MAGI2: variants seen among roughly 807,000 people sequenced by gnomAD.
The protein encoded by MAGI2 is membrane-associated guanylate kinase, WW and PDZ domain-containing protein 2.
A neutral mutation model predicts 133.3 loss-of-function variants in MAGI2; 35 were observed. That is an observed-to-expected ratio of 0.26 (90% confidence interval 0.20 to 0.35). The LOEUF (loss-of-function observed/expected upper bound fraction) is 0.35. MAGI2 is among the 10% of genes least tolerant of loss of function. The pLI, the probability that MAGI2 is intolerant of heterozygous loss-of-function variation, is 1.00. For missense variants in MAGI2, 1,636 were observed against 1,863.4 expected, an observed-to-expected ratio of 0.88 and a Z score of 2.25; for synonymous variants, 729 against 710.6, an observed-to-expected ratio of 1.03 and a Z score of -0.41.
At chr7:79,213,315 C>A (rs926415316) in intron 1 of MAGI2, among the ~76,000 whole-genome samples, 2 of 146,362 alleles carry the variant, frequency 1.4e-5, no homozygotes, top group African/African-American at 5.4e-5. Context: ...TTTACACACA[C>A]GTACACACGT....
intron 1 of MAGI2, among the ~76,000 whole-genome samples, chr7:79,078,297 GTT>G (rs36002774): frequency 2.6e-5 from 4 of 151,310 alleles, no homozygotes; most frequent in South Asian, 4.2e-4. Context: ...TCCATAGGTG[GTT>G]TTTTTTTTAG....
chr7:78,767,347 C>CT (rs3086253), intron 2 of MAGI2, among the ~76,000 whole-genome samples: 11,948 of 146,094 alleles, frequency 0.082, 538 homozygotes, highest in African/African-American at 0.13. Flanking sequence ...AGGCAACACA[C>CT]TTTTTTTTTT....
chr7:79,106,719 AAAAT>A (rs1180898387), intron 1 of MAGI2, among the ~76,000 whole-genome samples: 7 of 152,202 alleles, frequency 4.6e-5, no homozygotes, highest in African/African-American at 1.7e-4. Flanking sequence ...CAACCAGGTG[AAAAT>A]AAATACATCC....
chr7:78,171,693 G>A (rs1375461094), intron 14 of MAGI2, among the ~76,000 whole-genome samples: 1 of 152,170 alleles, frequency 6.6e-6, no homozygotes, highest in African/African-American at 2.4e-5. Flanking sequence ...CTGGGATCAG[G>A]ATCCCTTACT....
chr7:78,856,095 G>T lies in MAGI2; in HGVS notation c.418+150995C>A, dbSNP rs193113499. ...ATATCCTTTGCACAGTTTTTGATGG[G>T]GTTGTTTGATTTTTTCTTGTAAATT... On this transcript the variant is annotated intron_variant, in intron 2 of 21. Transcript: ENST00000354212. Among the ~76,000 whole-genome samples the T allele has an allele frequency of 3.1e-3, 473 of 152,200 alleles. 1 individual carries two copies. Among genetic ancestry groups the T allele is most frequent in the African/African-American group, 0.011 (450 of 41,552 alleles).
chr7:78,346,114 A>G (rs1584950309), intron 7 of MAGI2, 71 bp from the exon 8 acceptor site: 1 of 1,560,804 alleles, frequency 6.4e-7, no homozygotes, highest in African/African-American at 1.4e-5. Flanking sequence ...GTATGGCTCT[A>G]TGGAGAGCAG....
chr7:78,330,847 T>A (rs1789110346), intron 9 of MAGI2, among the ~76,000 whole-genome samples: 1 of 152,116 alleles, frequency 6.6e-6, no homozygotes, highest in Non-Finnish European at 1.5e-5. Flanking sequence ...AAAATAAGCA[T>A]CTTTCATAAA....
chr7:79,248,803 T>G (rs1833004304), intron 1 of MAGI2, among the ~76,000 whole-genome samples: 1 of 152,036 alleles, frequency 6.6e-6, no homozygotes, highest in South Asian at 2.1e-4. Context: ...TTGAAAATTT[T>G]CTTGAAATAA....
At chr7:78,076,263 T>A (rs1815277548) in intron 21 of MAGI2, among the ~76,000 whole-genome samples, 1 of 151,468 alleles carries the variant, frequency 6.6e-6, no homozygotes, top group South Asian at 2.1e-4. Context: ...TTCAAGACCA[T>A]CCTGGGCGAC....
intron 2 of MAGI2, among the ~76,000 whole-genome samples, chr7:78,832,471 G>T (rs189646859): frequency 4.6e-5 from 7 of 152,246 alleles, no homozygotes; most frequent in African/African-American, 1.7e-4. Flanking sequence ...GTAAGGGCGG[G>T]TGGAAATAAA....
intron 6 of MAGI2, among the ~76,000 whole-genome samples, chr7:78,397,668 A>G (rs139322601): frequency 2.6e-3 from 391 of 152,272 alleles, no homozygotes; most frequent in Middle Eastern, 6.8e-3. Flanking sequence ...TCGAAGTCTA[A>G]CATTTTATGA....
At chr7:78,608,459 A>ATGTGTG (rs10649002) in intron 3 of MAGI2, among the ~76,000 whole-genome samples, 71 of 147,194 alleles carry the variant, frequency 4.8e-4, no homozygotes, top group African/African-American at 1.7e-3. Context: ...GTATATATAT[A>ATGTGTG]TGTGTGTGTA....
intron 3 of MAGI2, among the ~76,000 whole-genome samples, chr7:78,600,061 G>C (rs1805027033): frequency 6.6e-6 from 1 of 151,822 alleles, no homozygotes; most frequent in Non-Finnish European, 1.5e-5. Context: ...GTTTGTTCTT[G>C]GTCTTTTTTT....
At position 78,729,267 on chromosome 7, in the gene MAGI2, A is replaced by C. The variant is rs1474019625; in HGVS notation, c.419-102028T>G. Reference sequence around the variant, plus strand: ...TCCCAGTCATTTTAAAGTTAAGATAAATTACAAAACTGGCATATAATATGA... The same window carrying C: ...TCCCAGTCATTTTAAAGTTAAGATACATTACAAAACTGGCATATAATATGA... On this transcript the variant is annotated intron_variant, in intron 2 of 21. Coordinates refer to ENST00000354212, the MANE Select transcript of MAGI2 (RefSeq NM_012301.4). Among the ~76,000 whole-genome samples the C allele has an allele frequency of 7.9e-5, 12 of 152,338 alleles. No individual in the cohort carries two copies. The East Asian group carries it at 2.3e-3, about 29-fold the overall frequency.
intron 1 of MAGI2, among the ~76,000 whole-genome samples, chr7:79,164,414 G>A (rs1361141172): frequency 2.0e-5 from 3 of 152,014 alleles, no homozygotes; most frequent in Admixed American, 6.6e-5. Flanking sequence ...GGGAAAATTT[G>A]TATCTGTAAA....
At chr7:79,402,678 C>G (rs1845548754) in intron 1 of MAGI2, among the ~76,000 whole-genome samples, 1 of 152,050 alleles carries the variant, frequency 6.6e-6, no homozygotes, top group African/African-American at 2.4e-5. Context: ...AAAATGTTTT[C>G]AGGCTGGGCG....
At chr7:78,186,051 T>C (rs773400314) in intron 12 of MAGI2, among the ~76,000 whole-genome samples, 3 of 152,186 alleles carry the variant, frequency 2.0e-5, no homozygotes, top group Non-Finnish European at 4.4e-5. Flanking sequence ...AGGTTATAAT[T>C]TTGTGTCATA....
At chr7:79,199,875 T>C (rs1477970732) in intron 1 of MAGI2, among the ~76,000 whole-genome samples, 1 of 151,930 alleles carries the variant, frequency 6.6e-6, no homozygotes, top group Non-Finnish European at 1.5e-5. Flanking sequence ...TCTTTTTCTC[T>C]GGGGTGACTG....
At chr7:78,489,883 G>A (rs763703238) in intron 5 of MAGI2, 43 bp from the exon 6 acceptor site, 9 of 1,372,378 alleles carry the variant, frequency 6.6e-6, no homozygotes, top group African/African-American at 3.3e-5. Flanking sequence ...CATACTAAAA[G>A]GAATCAAGTT....
Sources: allele counts gnomAD v4.1 joint callset (sites outside exome capture counted in the v4.1 genomes callset), GRCh38; gene constraint gnomAD v4.1.1; transcripts MANE v1.5; gene names NCBI Gene and HGNC (gene_info 2026-07-23, HGNC 2026-07-21).